The following CTNNA2 variants were observed in gnomAD, a reference collection of about 807,000 sequenced individuals.
CTNNA2 encodes the protein catenin alpha-2.
A neutral mutation model predicts 101.0 loss-of-function variants in CTNNA2; 42 were observed. The observed-to-expected ratio is 0.42, with a 90% CI of 0.32 to 0.54. CTNNA2 has a LOEUF of 0.54. Among genes scored for constraint, CTNNA2 ranks in the 20% least tolerant of loss-of-function variants. CTNNA2 has a pLI of 0.14. For synonymous variants in CTNNA2, 450 were observed against 456.4 expected (o/e 0.99, Z 0.18); for missense variants, 871 against 1,223.1 (o/e 0.71, Z 4.29).
Position 79,971,876 on chromosome 2 carries a change from C to T in CTNNA2, c.1056+62079C>T, listed in dbSNP as rs146609947. On this transcript the variant is annotated intron_variant, in intron 7 of 18. Transcript: ENST00000402739. ...GGAGCAACTCTACTGGGCTGGAGGT[C>T]CCATCTAAGGGGGTCTTACAAGTTG... Among the ~76,000 whole-genome samples the T allele has an allele frequency of 4.9e-4, 75 of 152,254 alleles. 1 individual carries two copies. The East Asian group carries it at 0.011, about 22-fold the overall frequency.
At chr2:79,789,342 C>T (rs920299837) in intron 3 of CTNNA2, among the ~76,000 whole-genome samples, 1 of 151,986 alleles carries the variant, frequency 6.6e-6, no homozygotes, top group African/African-American at 2.4e-5. Flanking sequence ...GATGAGTGGG[C>T]CAGATTTTAA....
intron 1 of CTNNA2, among the ~76,000 whole-genome samples, chr2:79,531,888 G>A (rs1361078714): frequency 1.3e-5 from 2 of 152,032 alleles, no homozygotes; most frequent in African/African-American, 4.8e-5. Flanking sequence ...CACCATGTTG[G>A]TCAGGCTGGT....
At chr2:79,230,195 T>C (rs1385993278) in intron 2 of CTNNA2, among the ~76,000 whole-genome samples, 1 of 152,310 alleles carries the variant, frequency 6.6e-6, no homozygotes, top group East Asian at 1.9e-4. Flanking sequence ...CTCCAGGGCA[T>C]GTCAGAGGTT....
intron 7 of CTNNA2, among the ~76,000 whole-genome samples, chr2:79,974,636 A>G (rs191132392): frequency 6.6e-6 from 1 of 152,298 alleles, no homozygotes; most frequent in East Asian, 1.9e-4. Context: ...TCACATTCAT[A>G]TATATTTTTA....
chr2:79,631,963 T>A (rs563815035), intron 1 of CTNNA2, among the ~76,000 whole-genome samples: 2 of 152,318 alleles, frequency 1.3e-5, no homozygotes, highest in East Asian at 3.9e-4. Flanking sequence ...TAAATTGTTC[T>A]ATAAAGGCAA....
At chr2:79,851,759 T>TTTTTGGTAA (rs1680736338) in intron 3 of CTNNA2, among the ~76,000 whole-genome samples, 1 of 102,016 alleles carries the variant, frequency 9.8e-6, no homozygotes, top group Non-Finnish European at 2.0e-5. Flanking sequence ...TTTTTTTTTT[T>TTTTTGGTAA]GAGACAGAAT....
chr2:79,433,315 A>T (rs771625338), intron 4 of CTNNA2, among the ~76,000 whole-genome samples: 37 of 152,184 alleles, frequency 2.4e-4, no homozygotes, highest in Non-Finnish European at 8.8e-5. Context: ...CTCCACATGG[A>T]CAATTCACTC....
intron 7 of CTNNA2, among the ~76,000 whole-genome samples, chr2:80,008,041 C>T (rs1268665646): frequency 6.6e-6 from 1 of 152,180 alleles, no homozygotes; most frequent in African/African-American, 2.4e-5. Flanking sequence ...CTCTAGAACT[C>T]TAAGGAATGG....
chr2:80,212,530 G>C (rs896347683), intron 7 of CTNNA2, among the ~76,000 whole-genome samples: 3 of 152,228 alleles, frequency 2.0e-5, no homozygotes, highest in Admixed American at 2.0e-4. Flanking sequence ...TTATTGATTT[G>C]CATATGTTGA....
intron 7 of CTNNA2, among the ~76,000 whole-genome samples, chr2:80,315,620 G>A (rs115465893): frequency 1.3e-5 from 2 of 152,298 alleles, no homozygotes; most frequent in African/African-American, 4.8e-5. Context: ...AAGTCCCAGT[G>A]CGCAAACACT....
At chr2:80,034,526 G>A (rs1454384434) in intron 7 of CTNNA2, among the ~76,000 whole-genome samples, 1 of 151,626 alleles carries the variant, frequency 6.6e-6, no homozygotes, top group Non-Finnish European at 1.5e-5. Flanking sequence ...GCTAATTTTT[G>A]TATTTTTATT....
chr2:80,405,366 G>A (rs1196070620), intron 8 of CTNNA2, among the ~76,000 whole-genome samples: 1 of 152,136 alleles, frequency 6.6e-6, no homozygotes, highest in East Asian at 1.9e-4. Flanking sequence ...CTAGTGGGTT[G>A]ACTCTGAAGC....
chr2:79,415,547 A>G (rs1172293524), intron 4 of CTNNA2, among the ~76,000 whole-genome samples: 1 of 152,122 alleles, frequency 6.6e-6, no homozygotes, highest in Non-Finnish European at 1.5e-5. Context: ...GAATGAGGAG[A>G]CAGAAGTTTT....
intron 2 of CTNNA2, among the ~76,000 whole-genome samples, chr2:79,268,187 G>T (rs1477075970): frequency 6.6e-6 from 1 of 152,092 alleles, no homozygotes; most frequent in African/African-American, 2.4e-5. Flanking sequence ...TTGCAGATTG[G>T]CATAGTTCAG....
intron 9 of CTNNA2, among the ~76,000 whole-genome samples, chr2:80,451,919 G>T (rs1259133675): frequency 6.6e-6 from 1 of 152,128 alleles, no homozygotes; most frequent in Admixed American, 6.5e-5. Context: ...TACTAGAATA[G>T]GTTTAAGATA....
intron 7 of CTNNA2, among the ~76,000 whole-genome samples, chr2:79,986,038 G>A (rs942828484): frequency 1.1e-4 from 16 of 152,154 alleles, no homozygotes; most frequent in Non-Finnish European, 1.8e-4. Context: ...GAAGTACATG[G>A]GATAGGTGAG....
At chr2:79,498,635 A>G (rs968403677) in intron 4 of CTNNA2, among the ~76,000 whole-genome samples, 11 of 152,128 alleles carry the variant, frequency 7.2e-5, no homozygotes, top group African/African-American at 2.4e-4. Context: ...TAACTTTCAT[A>G]ATTACCCCCA....
intron 9 of CTNNA2, among the ~76,000 whole-genome samples, chr2:80,530,403 T>G (rs191350023): frequency 3.1e-3 from 465 of 152,266 alleles, no homozygotes; most frequent in Non-Finnish European, 3.2e-3. Flanking sequence ...GAGAGACTTG[T>G]GAGAGCACTG....
intron 18 of CTNNA2, among the ~76,000 whole-genome samples, chr2:80,622,096 G>A (rs1476594303): frequency 6.6e-6 from 1 of 151,940 alleles, no homozygotes; most frequent in African/African-American, 2.4e-5. Context: ...ATTGCTTACA[G>A]TTCAACCTCA....
Sources: allele counts gnomAD v4.1 joint callset (sites outside exome capture counted in the v4.1 genomes callset), GRCh38; gene constraint gnomAD v4.1.1; transcripts MANE v1.5; gene names NCBI Gene and HGNC (gene_info 2026-07-23, HGNC 2026-07-21).